The following ERI3 variants were observed in gnomAD, a reference collection of about 807,000 sequenced individuals.
ERI3 encodes ERI1 exoribonuclease family member 3.
A neutral mutation model predicts 44.4 loss-of-function variants in ERI3; 18 were observed. That is an observed-to-expected ratio of 0.41 (90% CI 0.28 to 0.60). The LOEUF is 0.60. Among genes scored for constraint, ERI3 ranks in the 20% least tolerant of loss-of-function variants. The pLI is 0.36. For synonymous variants in ERI3, 183 were observed against 164.8 expected (o/e 1.11, Z -0.84); for missense variants, 294 against 435.5 (o/e 0.68, Z 2.89).
At chr1:44,233,547 G>A (rs1041395815) in intron 8 of ERI3, among the ~76,000 whole-genome samples, 2 of 151,902 alleles carry the variant, frequency 1.3e-5, no homozygotes, top group African/African-American at 4.8e-5. Flanking sequence ...GGGACTACAG[G>A]CTCTTGCCAC....
intron 2 of ERI3, among the ~76,000 whole-genome samples, chr1:44,348,273 G>C (rs549759233): frequency 3.9e-5 from 6 of 152,094 alleles, no homozygotes; most frequent in Non-Finnish European, 5.9e-5. Context: ...GGGAGAGAGA[G>C]AATTGCCTTG....
At chr1:44,268,633 G>A (rs1378376904) in intron 7 of ERI3, among the ~76,000 whole-genome samples, 1 of 152,182 alleles carries the variant, frequency 6.6e-6, no homozygotes, top group African/African-American at 2.4e-5. Flanking sequence ...CTCCAAGGCA[G>A]GTGACAGCAG....
Position 44,252,665 on chromosome 1 carries a change from T to C in ERI3, c.832-4627A>G, listed in dbSNP as rs1644706800. 6.6e-6 allele frequency among the ~76,000 whole-genome samples: 1 copy of C among 152,146 alleles called. No individual in the cohort carries two copies. Among genetic ancestry groups the C allele is most frequent in the Admixed American group, 6.5e-5 (1 of 15,288 alleles). ...GGGCTTAGCAGCTGCGACAAGTGTA[T>C]TGGGTTTAATAGATGAAGTAGCCCT... On this transcript the variant is annotated intron_variant, in intron 7 of 8. Transcript: ENST00000372257. The surrounding 1 kb of genome is among the most constrained non-coding windows in gnomAD (Gnocchi z 4.7).
intron 7 of ERI3, among the ~76,000 whole-genome samples, chr1:44,267,393 C>T (rs1243815097): frequency 1.3e-5 from 2 of 152,196 alleles, no homozygotes; most frequent in Non-Finnish European, 2.9e-5. Flanking sequence ...ATGGGCCTCT[C>T]CTCCCCTCCT....
At chr1:44,314,612 A>G (rs932151749) in intron 4 of ERI3, among the ~76,000 whole-genome samples, 13 of 152,302 alleles carry the variant, frequency 8.5e-5, no homozygotes, top group Admixed American at 5.9e-4. Context: ...ACTGCCCAGT[A>G]GAGGGAGGGC....
intron 2 of ERI3, among the ~76,000 whole-genome samples, chr1:44,351,312 G>C (rs1157118471): frequency 6.6e-6 from 1 of 152,162 alleles, no homozygotes; most frequent in African/African-American, 2.4e-5. Flanking sequence ...GGGATTACAG[G>C]CGTGAGCCAC....
rs562838310 is a variant in ERI3 at position 44,332,569 on chromosome 1, T to A, written c.489+6476A>T. Among the ~76,000 whole-genome samples the A allele has an allele frequency of 1.8e-4, 28 of 152,350 alleles. No individual in the cohort carries two copies. In the South Asian group the frequency reaches 5.8e-3, roughly 32 times the overall value. On this transcript the variant is annotated intron_variant, in intron 3 of 8. Transcript: ENST00000372257. ...AACCGCTTCGATCCTGCCTCTGCTATGCCAAACACACAAGCCAGGGCCACC... is the reference window on the plus strand; with the variant it reads ...AACCGCTTCGATCCTGCCTCTGCTAAGCCAAACACACAAGCCAGGGCCACC...
chr1:44,269,837 T>G (rs1645056623), intron 7 of ERI3, among the ~76,000 whole-genome samples: 1 of 152,150 alleles, frequency 6.6e-6, no homozygotes, highest in Non-Finnish European at 1.5e-5. Context: ...AGCTTCTGAG[T>G]TTCTATTTCA....
At chr1:44,349,298 G>A (rs1326657578) in intron 2 of ERI3, among the ~76,000 whole-genome samples, 1 of 152,158 alleles carries the variant, frequency 6.6e-6, no homozygotes, top group Non-Finnish European at 1.5e-5. Flanking sequence ...GACTACAGGT[G>A]TGTGCCACCA....
At chr1:44,232,166 A>G (rs1459961061) in intron 8 of ERI3, among the ~76,000 whole-genome samples, 1 of 152,184 alleles carries the variant, frequency 6.6e-6, no homozygotes, top group African/African-American at 2.4e-5. Flanking sequence ...AGCTGAAAGT[A>G]TACTAACTGA....
At chr1:44,321,386 T>G (rs1219157375) in intron 3 of ERI3, among the ~76,000 whole-genome samples, 1 of 152,146 alleles carries the variant, frequency 6.6e-6, no homozygotes, top group African/African-American at 2.4e-5. Context: ...AGGCCCAGAC[T>G]GCTGCTTAGA....
At position 44,293,303 on chromosome 1, in the gene ERI3, G is replaced by T. The variant is rs1012237195; in HGVS notation, c.759-8396C>A. ...GCTGGCTGAGCCCCAAGGTGAGGCC[G>T]GGTGACCTCGGCAAGCCTCTCACTT... On this transcript the variant is annotated intron_variant, in intron 6 of 8. Coordinates refer to ENST00000372257, the MANE Select transcript of ERI3 (RefSeq NM_024066.3). Among the ~76,000 whole-genome samples the T allele has an allele frequency of 3.3e-5, 5 of 152,220 alleles. 1 individual carries two copies. The highest frequency in any genetic ancestry group is 2.6e-4 in the Admixed American group (4 of 15,288).
chr1:44,259,631 C>T (rs1311615750), intron 7 of ERI3, among the ~76,000 whole-genome samples: 3 of 151,436 alleles, frequency 2.0e-5, no homozygotes, highest in Non-Finnish European at 4.4e-5. Context: ...TAATTGAACC[C>T]AGGAGTTCGA....
At chr1:44,281,661 T>C (rs1195680344) in intron 7 of ERI3, among the ~76,000 whole-genome samples, 1 of 149,598 alleles carries the variant, frequency 6.7e-6, no homozygotes, top group South Asian at 2.1e-4. Flanking sequence ...ATATATATGT[T>C]TACCTGTGTG....
intron 2 of ERI3, 45 bp from the exon 3 acceptor site, chr1:44,339,367 A>AC: frequency 1.6e-4 from 221 of 1,415,212 alleles, no homozygotes; most frequent in Non-Finnish European, 1.7e-4. Flanking sequence ...AAGAAAAGAA[A>AC]GAAAAAAAAA....
At chr1:44,270,598 A>G (rs1469730568) in intron 7 of ERI3, among the ~76,000 whole-genome samples, 1 of 152,210 alleles carries the variant, frequency 6.6e-6, no homozygotes, top group East Asian at 1.9e-4. Flanking sequence ...CAAGGACTCA[A>G]GAGAGGCAGG....
chr1:44,227,788 C>G (rs559507732), intron 8 of ERI3, among the ~76,000 whole-genome samples: 1 of 152,106 alleles, frequency 6.6e-6, no homozygotes, highest in Non-Finnish European at 1.5e-5. Flanking sequence ...TGAATCCAAA[C>G]TCCACCACTT....
chr1:44,246,314 A>G (rs1644554189), intron 8 of ERI3, among the ~76,000 whole-genome samples: 1 of 152,186 alleles, frequency 6.6e-6, no homozygotes, highest in Non-Finnish European at 1.5e-5. Flanking sequence ...TTTTCTGCCC[A>G]GCAAACTCCT....
chr1:44,310,617 T>C (rs563457731), intron 5 of ERI3, among the ~76,000 whole-genome samples: 19 of 152,272 alleles, frequency 1.2e-4, no homozygotes, highest in Admixed American at 1.1e-3. Context: ...CATGGATATC[T>C]TTAAGTATCT....
Sources: gnomAD v4.1 joint callset for allele counts (sites outside exome capture counted in the v4.1 genomes callset) on GRCh38, gnomAD v4.1.1 for gene constraint, Gnocchi (gnomAD v3.1) non-coding constraint, MANE v1.5 for transcripts, NCBI Gene and HGNC (gene_info 2026-07-23, HGNC 2026-07-21) for gene names.